Variants in TENM2 observed in about 807,000 individuals in gnomAD.
TENM2 encodes teneurin-2.
In TENM2, 52 loss-of-function variants were observed where a neutral mutation model predicts 245.2. The observed-to-expected ratio is 0.21, with a 90% confidence interval of 0.17 to 0.27. TENM2 has a LOEUF of 0.27. Ranked by LOEUF, TENM2 falls within the 10% of genes least tolerant of loss-of-function variation. The pLI is 1.00. For synonymous variants in TENM2, 1,363 were observed against 1,438.9 expected, an observed-to-expected ratio of 0.95 and a Z score of 1.19; for missense variants, 3,046 against 3,666.8, an observed-to-expected ratio of 0.83 and a Z score of 4.37.
intron 5 of TENM2, among the ~76,000 whole-genome samples, chr5:168,028,376 A>G (rs941946225): frequency 1.3e-5 from 2 of 152,128 alleles, no homozygotes; most frequent in Admixed American, 6.5e-5. Context: ...GAGGCTTGAT[A>G]TGGATTCTCT....
chr5:167,128,260 A>G, the TENM2 span, among the ~76,000 whole-genome samples: 2 of 152,206 alleles, frequency 1.3e-5, no homozygotes, highest in Non-Finnish European at 2.9e-5. Flanking sequence ...GACATTTCTC[A>G]GCATGGCCTA....
chr5:168,104,276 G>C (rs1465971440), intron 9 of TENM2, among the ~76,000 whole-genome samples: 1 of 152,096 alleles, frequency 6.6e-6, no homozygotes, highest in African/African-American at 2.4e-5. Flanking sequence ...TGATCCACCT[G>C]CCTCGGCCTC....
chr5:167,562,217 C>T (rs1283236895), intron 2 of TENM2, among the ~76,000 whole-genome samples: 2 of 152,098 alleles, frequency 1.3e-5, no homozygotes, highest in East Asian at 1.9e-4. Flanking sequence ...TGGCAATTTT[C>T]GTTTTTAGGA....
the TENM2 span, among the ~76,000 whole-genome samples, chr5:167,167,013 T>C: frequency 7.9e-5 from 12 of 152,286 alleles, no homozygotes; most frequent in African/African-American, 2.9e-4. Context: ...CAAACCTTCC[T>C]TCTCGATTCT....
the TENM2 span, among the ~76,000 whole-genome samples, chr5:167,212,076 C>G: frequency 6.6e-6 from 1 of 152,074 alleles, no homozygotes; most frequent in Non-Finnish European, 1.5e-5. Context: ...CATTGGAACC[C>G]CAAGTTCTGT....
intron 3 of TENM2, among the ~76,000 whole-genome samples, chr5:167,884,391 C>G (rs1183367730): frequency 6.6e-6 from 1 of 152,186 alleles, no homozygotes; most frequent in African/African-American, 2.4e-5. Context: ...AAACTCTATA[C>G]CCATTAAACA....
intron 10 of TENM2, among the ~76,000 whole-genome samples, chr5:168,123,194 C>T (rs1795598104): frequency 6.6e-6 from 1 of 151,662 alleles, no homozygotes; most frequent in Non-Finnish European, 1.5e-5. Context: ...AACTAGTTGG[C>T]AGACTAAGGC....
chr5:168,035,161 G>A (rs559761960), intron 5 of TENM2, among the ~76,000 whole-genome samples: 4 of 152,238 alleles, frequency 2.6e-5, no homozygotes, highest in South Asian at 2.1e-4. Flanking sequence ...TGAGTAAAAA[G>A]CATAGTATTA....
intron 2 of TENM2, among the ~76,000 whole-genome samples, chr5:167,872,536 G>GAA (rs1174414829): frequency 2.8e-3 from 140 of 50,744 alleles, no homozygotes; most frequent in African/African-American, 7.0e-3. Flanking sequence ...AAGAAAGAAA[G>GAA]AAAGAAAGAA....
intron 2 of TENM2, among the ~76,000 whole-genome samples, chr5:167,583,463 T>G (rs2127687613): frequency 7.9e-6 from 1 of 126,986 alleles, no homozygotes. Flanking sequence ...AAAGGCATTA[T>G]GAGTATATGT....
chr5:167,398,754 C>T (rs535277529), intron 2 of TENM2, among the ~76,000 whole-genome samples: 2 of 152,218 alleles, frequency 1.3e-5, no homozygotes, highest in South Asian at 2.1e-4. Context: ...ACCCAGCCCC[C>T]TTTCCCTTAT....
intron 2 of TENM2, among the ~76,000 whole-genome samples, chr5:167,824,162 G>A (rs1222842305): frequency 6.6e-6 from 1 of 152,152 alleles, no homozygotes; most frequent in African/African-American, 2.4e-5. Flanking sequence ...TAGCACAGAG[G>A]TAGCAGAAGT....
intron 20 of TENM2, among the ~76,000 whole-genome samples, chr5:168,212,033 G>A (rs1762836105): frequency 6.6e-6 from 1 of 152,156 alleles, no homozygotes; most frequent in Admixed American, 6.5e-5. Flanking sequence ...CGACTGCTCA[G>A]TGCGGTCCAT....
At chr5:167,622,998 G>C (rs1778271533) in intron 2 of TENM2, among the ~76,000 whole-genome samples, 1 of 152,100 alleles carries the variant, frequency 6.6e-6, no homozygotes, top group Non-Finnish European at 1.5e-5. Context: ...AAGAGAAAAG[G>C]CACTTTTGTT....
intron 2 of TENM2, among the ~76,000 whole-genome samples, chr5:167,816,074 A>G (rs1390965833): frequency 3.9e-5 from 6 of 151,982 alleles, no homozygotes; most frequent in African/African-American, 1.5e-4. Flanking sequence ...TTGCTAAAAC[A>G]ACAGGGAAAC....
chr5:167,975,250 T>C (rs993557430), intron 4 of TENM2, among the ~76,000 whole-genome samples: 2 of 152,310 alleles, frequency 1.3e-5, no homozygotes, highest in Admixed American at 6.5e-5. Context: ...GACACTTGCA[T>C]TTTTAAAAAG....
At chr5:168,159,247 G>A (rs1757528683) in intron 12 of TENM2, among the ~76,000 whole-genome samples, 1 of 152,170 alleles carries the variant, frequency 6.6e-6, no homozygotes, top group African/African-American at 2.4e-5. Flanking sequence ...CACTGGAATA[G>A]GGTCATGATA....
At chr5:167,008,135 CAAACTA>C in the TENM2 span, among the ~76,000 whole-genome samples, 1 of 152,168 alleles carries the variant, frequency 6.6e-6, no homozygotes, top group African/African-American at 2.4e-5. Context: ...CTGGGGAACT[CAAACTA>C]AGACACGTAG....
chr5:168,157,057 G>A (rs983358533), intron 12 of TENM2, among the ~76,000 whole-genome samples: 8 of 152,160 alleles, frequency 5.3e-5, no homozygotes, highest in Non-Finnish European at 1.0e-4. Flanking sequence ...GCATCAAGGA[G>A]GTACCAGCCA....
Sources: allele counts gnomAD v4.1 joint callset (sites outside exome capture counted in the v4.1 genomes callset), GRCh38; gene constraint gnomAD v4.1.1; transcripts MANE v1.5; gene names NCBI Gene and HGNC (gene_info 2026-07-23, HGNC 2026-07-21).